The following HLA-DQB2 variants were observed in gnomAD, a reference collection of about 807,000 sequenced individuals.
HLA-DQB2 encodes major histocompatibility complex, class II, DQ beta 2, also known as HLA class II histocompatibility antigen, DQ beta 2 chain.
Under a neutral mutation model 29.2 loss-of-function variants are expected in HLA-DQB2, and 24 were observed. That is an observed-to-expected ratio of 0.82 (90% CI 0.60 to 1.16). HLA-DQB2 has a LOEUF of 1.16. HLA-DQB2 is among the 50% of genes most tolerant of loss of function. The probability of loss-of-function intolerance (pLI) is 0.00; values close to 1 mark genes in which losing one functional copy is unlikely to be tolerated. For synonymous variants in HLA-DQB2, 104 were observed against 133.1 expected, an observed-to-expected ratio of 0.78 and a Z score of 1.51; for missense variants, 273 against 343.6, an observed-to-expected ratio of 0.79 and a Z score of 1.62.
At chr6:32,762,637 A>G (rs917061272) in intron 1 of HLA-DQB2, among the ~76,000 whole-genome samples, 2 of 152,262 alleles carry the variant, frequency 1.3e-5, no homozygotes, top group East Asian at 1.9e-4. Context: ...CAGAATATCC[A>G]TATCACAAGT....
At chr6:32,759,439 G>A (rs1011875052) in intron 2 of HLA-DQB2, among the ~76,000 whole-genome samples, 1 of 152,136 alleles carries the variant, frequency 6.6e-6, no homozygotes, top group Non-Finnish European at 1.5e-5. Context: ...AACTAACACT[G>A]ATCAAACATC....
chr6:32,759,195 C>G, intron 2 of HLA-DQB2, 64 bp from the exon 3 acceptor site: 1 of 1,522,368 alleles, frequency 6.6e-7, no homozygotes, highest in Non-Finnish European at 8.9e-7. Flanking sequence ...AGCACGCCTG[C>G]TGTGAGGAAG....
intron 2 of HLA-DQB2, among the ~76,000 whole-genome samples, chr6:32,760,528 G>A (rs1422255470): frequency 6.6e-6 from 1 of 152,228 alleles, no homozygotes; most frequent in Non-Finnish European, 1.5e-5. Flanking sequence ...AACTTAGATG[G>A]TGTTTGCTAA....
chr6:32,761,837 C>G lies in HLA-DQB2; in HGVS notation c.187G>C (p.Glu63Gln), dbSNP rs1222942554. ...RGVARYIYNR[E>Q]EYGRFDSDVG... Reference sequence around the variant, plus strand: ...TCGCTGTCGAAGCGCCCGTACTCCTCGCGGTTATAGATGTATCTGGCCACA... The same window carrying G: ...TCGCTGTCGAAGCGCCCGTACTCCTGGCGGTTATAGATGTATCTGGCCACA... Residue 63 changes from glutamate to glutamine, a missense_variant, in exon 2 of 6, where the codon GAG becomes CAG. By Grantham distance (29) the Glu-to-Gln change is conservative. Coordinates refer to ENST00000437316, the MANE Select transcript of HLA-DQB2 (RefSeq NM_001300790.2). 1 of 1,608,324 alleles carries G rather than the reference C, an allele frequency of 6.2e-7. No homozygotes were observed. Among genetic ancestry groups the G allele is most frequent in the Admixed American group, 1.7e-5 (1 of 59,454 alleles).
intron 2 of HLA-DQB2, among the ~76,000 whole-genome samples, chr6:32,761,258 G>A (rs1019915488): frequency 1.3e-3 from 183 of 145,452 alleles, no homozygotes; most frequent in Middle Eastern, 3.5e-3. Flanking sequence ...GCCTTGCTGG[G>A]TGGGGCAGTG....
chr6:32,757,265 A>C lies in HLA-DQB2; in HGVS notation c.781+16T>G. On this transcript the variant is annotated intron_variant, in intron 5 of 5. Transcript: ENST00000437316. ...CTGTGCCCTCTCCCCTGACTGGATC[A>C]TGGCTGAAATATTACCTGCTGGTGG... is the stretch of plus-strand genomic sequence containing the variant. 6.4e-7 allele frequency: 1 copy of C among 1,550,480 alleles called. No individual in the cohort carries two copies. The highest frequency in any genetic ancestry group is 8.7e-7 in the Non-Finnish European group (1 of 1,146,928).
intron 1 of HLA-DQB2, among the ~76,000 whole-genome samples, chr6:32,762,545 A>C (rs548757005): frequency 7.4e-6 from 1 of 134,836 alleles, no homozygotes; most frequent in South Asian, 2.3e-4. Flanking sequence ...GGAAACATTT[A>C]TTCATGGAAA....
chr6:32,757,822 C>A lies in HLA-DQB2; in HGVS notation c.708G>T (p.Gly236=), dbSNP rs773541315. ...TAAGGCCCAGCCCGAGGAAGATCAGCCCCAGCACGAAGCCTCCAATGCCAC... is the reference window on the plus strand; with the variant it reads ...TAAGGCCCAGCCCGAGGAAGATCAGACCCAGCACGAAGCCTCCAATGCCAC... ...MLSGIGGFVL[G]LIFLGLGLII... The change falls in exon 4 of 6, where the codon GGG becomes GGT. Residue 236 remains glycine, a synonymous_variant. Coordinates refer to ENST00000437316, the MANE Select transcript of HLA-DQB2 (RefSeq NM_001300790.2). 6.2e-7 allele frequency: 1 copy of A among 1,613,820 alleles called. No individual in the cohort carries two copies. Among genetic ancestry groups the A allele is most frequent in the African/African-American group, 1.3e-5 (1 of 74,920 alleles).
rs773011968 is a variant in HLA-DQB2, at chr6:32,761,804, C to T, written c.220G>A (p.Glu74Lys). ...CCCAGCTCGGTCACCGCCTGGAACTCCCCAACGTCGCTGTCGAAGCGCCCG... is the reference window on the plus strand; with the variant it reads ...CCCAGCTCGGTCACCGCCTGGAACTTCCCAACGTCGCTGTCGAAGCGCCCG... ...EYGRFDSDVG[E>K]FQAVTELGRS... Residue 74 changes from glutamate to lysine, a missense_variant, in exon 2 of 6, where the codon GAG becomes AAG. Coordinates refer to ENST00000437316, the MANE Select transcript of HLA-DQB2 (RefSeq NM_001300790.2). 6.3e-7 allele frequency: 1 copy of T among 1,598,284 alleles called. No homozygotes were observed. The highest frequency in any genetic ancestry group is 1.1e-5 in the South Asian group (1 of 88,614).
rs1764417206 is a variant in HLA-DQB2 at position 32,757,882 on chromosome 6, C to T, written c.648G>A (p.Arg216=). Residue 216 remains arginine, a splice_region_variant and synonymous_variant, in exon 4 of 6, where the codon CGG becomes CGA. Coordinates refer to ENST00000437316, the MANE Select transcript of HLA-DQB2 (RefSeq NM_001300790.2). ...TGCTCTGGGCAGATTCAGACTGAGCCCCTAAGGAGCAGAACTGAGTGTGAG... is the reference window on the plus strand; with the variant it reads ...TGCTCTGGGCAGATTCAGACTGAGCTCCTAAGGAGCAGAACTGAGTGTGAG... ...SLQSPITVEW[R]AQSESAQSKM... is the part of the protein sequence containing the mutation. 11 of 1,561,486 alleles carry T rather than the reference C, an allele frequency of 7.0e-6. No homozygotes were observed. The highest frequency in any genetic ancestry group is 9.5e-6 in the Non-Finnish European group (11 of 1,161,618).
chr6:32,758,274 C>T (rs549390503), intron 3 of HLA-DQB2, among the ~76,000 whole-genome samples: 1 of 152,192 alleles, frequency 6.6e-6, no homozygotes, highest in Non-Finnish European at 1.5e-5. Context: ...AGACCAGATT[C>T]TTGTCACCAT....
chr6:32,757,173 C>T (rs1400241595), intron 5 of HLA-DQB2, 108 bp downstream of exon 5: 4 of 1,515,552 alleles, frequency 2.6e-6, no homozygotes, highest in Non-Finnish European at 3.6e-6. Flanking sequence ...ATGCACACCA[C>T]CACGTCCAGC....
chr6:32,762,096 C>T (rs1193063700), intron 1 of HLA-DQB2, among the ~76,000 whole-genome samples, 170 bp from the exon 2 acceptor site: 1 of 152,062 alleles, frequency 6.6e-6, no homozygotes, highest in Non-Finnish European at 1.5e-5. Flanking sequence ...GACCTGGGAT[C>T]CTCGAGGCAT....
Position 32,761,644 on chromosome 6 carries a change from G to T in HLA-DQB2, c.364+16C>A. On this transcript the variant is annotated intron_variant, in intron 2 of 5. Coordinates refer to ENST00000437316, the MANE Select transcript of HLA-DQB2 (RefSeq NM_001300790.2). ...CCGGCCAAGGGTGAGCCCCGCGGAA[G>T]GACGACGACGCTCACCTTGCCGCTG... 2 of 1,540,032 alleles carry T rather than the reference G, an allele frequency of 1.3e-6. No homozygotes were observed. The highest frequency in any genetic ancestry group is 1.7e-6 in the Non-Finnish European group (2 of 1,143,980).
rs1764857062 is a variant in HLA-DQB2 at position 32,761,817 on chromosome 6, G to A, written c.207C>T (p.Asp69=). 2 of 1,602,582 alleles carry A rather than the reference G, an allele frequency of 1.2e-6. No homozygotes were observed. The highest frequency in any genetic ancestry group is 2.7e-5 in the African/African-American group (2 of 74,504). The stretch of plus-strand genomic sequence containing the variant: ...CCGCCTGGAACTCCCCAACGTCGCT[G>A]TCGAAGCGCCCGTACTCCTCGCGGT... ...IYNREEYGRF[D]SDVGEFQAVT... Residue 69 remains aspartate, a synonymous_variant, in exon 2 of 6, where the codon GAC becomes GAT. Transcript: ENST00000437316.
chr6:32,762,152 G>T (rs1764906599), intron 1 of HLA-DQB2, among the ~76,000 whole-genome samples: 1 of 152,166 alleles, frequency 6.6e-6, no homozygotes, highest in Non-Finnish European at 1.5e-5. Flanking sequence ...TCGGGAATCT[G>T]CCTTCCTTTA....
In HLA-DQB2 at chr6:32,761,694, G is replaced by T; in HGVS notation, c.330C>A (p.Tyr110Ter). 6.4e-7 allele frequency: 1 copy of T among 1,551,952 alleles called. No individual in the cohort carries two copies. ...AAVDKVCRHN[Y>*]EAELRTTLQR... ...GCAAGGTCGTGCGCAGCTCCGCCTCGTAGTTGTGTCTGCACACCTTGTCCA... is the reference window on the plus strand; with the variant it reads ...GCAAGGTCGTGCGCAGCTCCGCCTCTTAGTTGTGTCTGCACACCTTGTCCA... The change falls in exon 2 of 6, where the codon TAC becomes TAA. Residue 110 changes from tyrosine (Y) to a stop codon, truncating the protein, a stop_gained. Coordinates refer to ENST00000437316, the MANE Select transcript of HLA-DQB2 (RefSeq NM_001300790.2). LOFTEE classifies it high-confidence loss of function.
chr6:32,761,328 C>T (rs73402888), intron 2 of HLA-DQB2, among the ~76,000 whole-genome samples: 2,139 of 130,534 alleles, frequency 0.016, 2 homozygotes, highest in Admixed American at 0.033. Context: ...AACTGCTTAG[C>T]GAAGGTAAGG....
Position 32,756,362 on chromosome 6 carries a change from C to G in HLA-DQB2, c.*91G>C, listed in dbSNP as rs973256562. On this transcript the variant is annotated 3_prime_UTR_variant, in exon 6 of 6. Transcript: ENST00000437316. Reference sequence around the variant, plus strand: ...CTGTAGGACTCTGACCTCAGTGGGACAGGGTGACACAGGCAGCTAGGAATT... The same window carrying G: ...CTGTAGGACTCTGACCTCAGTGGGAGAGGGTGACACAGGCAGCTAGGAATT... The G allele has an allele frequency of 9.8e-6, 8 of 817,950 alleles. No homozygotes were observed. In the African/African-American group the frequency reaches 1.0e-4, roughly 10 times the overall value. The allele number at this position is 817,950 out of a possible 1,614,324, so 50.7% of individuals were successfully genotyped here. A position where few individuals can be genotyped will look rare whatever the true frequency, so the allele number is the denominator to read the frequency against.
Sources: gnomAD v4.1 joint callset for allele counts (sites outside exome capture counted in the v4.1 genomes callset) on GRCh38, gnomAD v4.1.1 for gene constraint, MANE v1.5 for transcripts, NCBI Gene and HGNC (gene_info 2026-07-23, HGNC 2026-07-21) for gene names.